Variants in CWF19L2 observed in about 807,000 individuals in gnomAD.
CWF19L2 encodes CWF19 like cell cycle control factor 2.
A neutral mutation model predicts 111.7 loss-of-function variants in CWF19L2; 98 were observed. The ratio of observed to expected loss-of-function variants is 0.88; its 90% confidence interval spans 0.75 to 1.04. CWF19L2 has a LOEUF of 1.04. Ranked by LOEUF, CWF19L2 falls within the 50% of genes least tolerant of loss-of-function variation. The probability of loss-of-function intolerance (pLI) is 0.00; values close to 1 mark genes in which losing one functional copy is unlikely to be tolerated. For missense variants in CWF19L2, 1,101 were observed against 1,051.4 expected (o/e 1.05, Z -0.65); for synonymous variants, 351 against 342.9 (o/e 1.02, Z -0.26).
At chr11:107,368,935 T>C (rs1371539335) in intron 12 of CWF19L2, among the ~76,000 whole-genome samples, 1 of 137,490 alleles carries the variant, frequency 7.3e-6, no homozygotes, top group Non-Finnish European at 1.6e-5. Flanking sequence ...ACAACTGATA[T>C]CACAGAAATA....
At chr11:107,358,343 T>TA (rs58922291) in intron 12 of CWF19L2, among the ~76,000 whole-genome samples, 4,136 of 131,566 alleles carry the variant, frequency 0.031, 171 homozygotes, top group African/African-American at 0.099. Context: ...ACTGATGAGC[T>TA]AAAAAAAAAA....
At chr11:107,378,147 G>A (rs1342692828) in intron 12 of CWF19L2, among the ~76,000 whole-genome samples, 1 of 150,358 alleles carries the variant, frequency 6.7e-6, no homozygotes, top group East Asian at 1.9e-4. Context: ...GGAGAAATAG[G>A]AACACTTTTA....
At chr11:107,329,647 C>A (rs1859813535) in intron 17 of CWF19L2, among the ~76,000 whole-genome samples, 1 of 152,140 alleles carries the variant, frequency 6.6e-6, no homozygotes, top group Non-Finnish European at 1.5e-5. Context: ...TCATCATTCT[C>A]AACACAAGCC....
Position 107,351,006 on chromosome 11 carries a change from G to GT in CWF19L2, c.2086-1954dup, listed in dbSNP as rs1860149567. Among the ~76,000 whole-genome samples the GT allele has an allele frequency of 4.6e-5, 7 of 152,192 alleles. No homozygotes were observed. In the South Asian group the frequency reaches 1.4e-3, roughly 32 times the overall value. ...TGAGGTGACAGGAAGAATTGGGCCT[G>GT]TAGGCCTGCCTCATAGGCGACAATA... is the stretch of plus-strand genomic sequence containing the variant. On this transcript the variant is annotated intron_variant, in intron 13 of 17. Coordinates refer to ENST00000282251, the MANE Select transcript of CWF19L2 (RefSeq NM_152434.3).
chr11:107,392,833 C>T lies in CWF19L2; in HGVS notation c.1680G>A (p.Val560=). 1 of 1,596,210 alleles carries T rather than the reference C, an allele frequency of 6.3e-7. No individual in the cohort carries two copies. The highest frequency in any genetic ancestry group is 1.4e-5 in the African/African-American group (1 of 73,350). ...RTDQSGRVWP[V]NTPGKSLESQ... ...ATTCCAGAGATTTTCCGGGTGTGTT[C>T]ACAGGCCATACTCTTCCAGACTGAT... Residue 560 remains valine (V), a synonymous_variant, in exon 11 of 18, where the codon GTG becomes GTA. Coordinates refer to ENST00000282251, the MANE Select transcript of CWF19L2 (RefSeq NM_152434.3).
chr11:107,416,435 CCCATAG>C, intron 9 of CWF19L2, 137 bp from the exon 10 acceptor site: 1 of 378,576 alleles, frequency 2.6e-6, no homozygotes, highest in Non-Finnish European at 4.7e-6. Flanking sequence ...CAATTACCAA[CCCATAG>C]CCTAGTATAC....
intron 12 of CWF19L2, among the ~76,000 whole-genome samples, chr11:107,381,855 C>T (rs1860690914): frequency 6.6e-6 from 1 of 152,098 alleles, no homozygotes; most frequent in South Asian, 2.1e-4. Context: ...GAAAATAAAT[C>T]AGTAAAAATA....
At position 107,439,586 on chromosome 11, in the gene CWF19L2, T is replaced by A. The variant is rs538674717; in HGVS notation, c.571-403A>T. ...AAGACTTCCTAGAGGAAGTAATATG[T>A]GCAGTCCAAGGATGAGCATAAATTA... On this transcript the variant is annotated intron_variant, in intron 5 of 17. Transcript: ENST00000282251. Among the ~76,000 whole-genome samples, 4 of 152,324 alleles carry A rather than the reference T, an allele frequency of 2.6e-5. No homozygotes were observed. In the South Asian group the frequency reaches 8.3e-4, roughly 32 times the overall value.
chr11:107,331,565 T>C (rs1859850004), intron 16 of CWF19L2, among the ~76,000 whole-genome samples: 1 of 152,210 alleles, frequency 6.6e-6, no homozygotes, highest in Non-Finnish European at 1.5e-5. Context: ...AGGAATGGAT[T>C]CTTTCTAGGG....
intron 12 of CWF19L2, among the ~76,000 whole-genome samples, chr11:107,379,164 T>G (rs1860643685): frequency 6.6e-6 from 1 of 152,232 alleles, no homozygotes; most frequent in Non-Finnish European, 1.5e-5. Context: ...AGTATTATGG[T>G]ATGAAAAGGA....
At chr11:107,455,939 AAAAT>A (rs1303381063) in intron 1 of CWF19L2, among the ~76,000 whole-genome samples, 163 bp from the exon 2 acceptor site, 4 of 152,202 alleles carry the variant, frequency 2.6e-5, no homozygotes, top group Middle Eastern at 3.4e-3. Flanking sequence ...AAAAAATAAA[AAAAT>A]AAATAAATAA....
At chr11:107,347,585 T>C (rs1259416463) in intron 14 of CWF19L2, among the ~76,000 whole-genome samples, 4 of 152,192 alleles carry the variant, frequency 2.6e-5, no homozygotes, top group African/African-American at 9.6e-5. Context: ...TAAAACAATT[T>C]GGCTTTTCCT....
chr11:107,431,573 T>C (rs531332230), intron 7 of CWF19L2, among the ~76,000 whole-genome samples: 3 of 152,216 alleles, frequency 2.0e-5, no homozygotes, highest in Admixed American at 6.5e-5. Context: ...TTTATTTCTA[T>C]TGAGCTTAAA....
At chr11:107,380,197 T>C (rs1247513688) in intron 12 of CWF19L2, among the ~76,000 whole-genome samples, 1 of 151,940 alleles carries the variant, frequency 6.6e-6, no homozygotes, top group Non-Finnish European at 1.5e-5. Flanking sequence ...TACACAAGGA[T>C]TACCAACAAT....
chr11:107,381,180 T>G (rs1388085170), intron 12 of CWF19L2, among the ~76,000 whole-genome samples: 1 of 152,184 alleles, frequency 6.6e-6, no homozygotes, highest in Non-Finnish European at 1.5e-5. Context: ...ATATTTCAAT[T>G]TATTAATACT....
chr11:107,358,516 A>G (rs1305836708), intron 12 of CWF19L2, among the ~76,000 whole-genome samples: 2 of 152,228 alleles, frequency 1.3e-5, no homozygotes, highest in African/African-American at 2.4e-5. Context: ...TTATTTAGCC[A>G]TAAAAAGAAT....
At chr11:107,398,490 A>G (rs1860954641) in intron 10 of CWF19L2, among the ~76,000 whole-genome samples, 1 of 152,190 alleles carries the variant, frequency 6.6e-6, no homozygotes, top group South Asian at 2.1e-4. Flanking sequence ...ACAAAGACAA[A>G]AAACTAAGAA....
intron 10 of CWF19L2, among the ~76,000 whole-genome samples, chr11:107,413,498 G>A (rs1046256494): frequency 1.3e-5 from 2 of 152,182 alleles, no homozygotes; most frequent in Non-Finnish European, 2.9e-5. Flanking sequence ...GGAAGGCTAT[G>A]CTGCAGGAAG....
intron 10 of CWF19L2, among the ~76,000 whole-genome samples, chr11:107,405,063 T>A (rs556544740): frequency 1.3e-5 from 2 of 152,360 alleles, no homozygotes; most frequent in South Asian, 4.1e-4. Context: ...GTGCTTGTTT[T>A]TAGTCATCCC....
Sources: allele counts gnomAD v4.1 joint callset (sites outside exome capture counted in the v4.1 genomes callset), GRCh38; gene constraint gnomAD v4.1.1; transcripts MANE v1.5; gene names NCBI Gene and HGNC (gene_info 2026-07-23, HGNC 2026-07-21).